SGCZ: variants seen among roughly 807,000 people sequenced by gnomAD.
The protein encoded by SGCZ is sarcoglycan zeta.
SGCZ carries 40 observed loss-of-function variants against 41.3 expected under a neutral mutation model. The ratio of observed to expected loss-of-function variants is 0.97; its 90% confidence interval spans 0.75 to 1.26. The LOEUF is 1.26. Ranked by LOEUF, SGCZ falls within the 50% of genes most tolerant of loss-of-function variation. SGCZ has a pLI of 0.00. For missense variants in SGCZ, 552 were observed against 369.8 expected, an observed-to-expected ratio of 1.49 and a Z score of -4.04; for synonymous variants, 206 against 137.5, an observed-to-expected ratio of 1.50 and a Z score of -3.49.
chr8:14,198,038 T>C (rs538447199), intron 4 of SGCZ, among the ~76,000 whole-genome samples: 2 of 152,332 alleles, frequency 1.3e-5, no homozygotes, highest in Admixed American at 1.3e-4. Flanking sequence ...TTAATATTTT[T>C]ATAGCACAAT....
chr8:14,283,322 C>T (rs1800514358), intron 3 of SGCZ, among the ~76,000 whole-genome samples: 1 of 152,160 alleles, frequency 6.6e-6, no homozygotes, highest in Non-Finnish European at 1.5e-5. Context: ...TTTTCCAAAA[C>T]TCTCCATCCA....
intron 2 of SGCZ, among the ~76,000 whole-genome samples, chr8:14,525,089 A>T (rs986958777): frequency 2.0e-5 from 3 of 146,870 alleles, no homozygotes; most frequent in African/African-American, 7.9e-5. Context: ...AGACACATAG[A>T]TAGATAGACA....
At chr8:14,669,988 A>G (rs1367220634) in intron 1 of SGCZ, among the ~76,000 whole-genome samples, 1 of 152,238 alleles carries the variant, frequency 6.6e-6, no homozygotes, top group Non-Finnish European at 1.5e-5. Flanking sequence ...AACAGCATAT[A>G]CAAGTACAGC....
intron 1 of SGCZ, among the ~76,000 whole-genome samples, chr8:14,619,044 C>T (rs1051408450): frequency 6.6e-6 from 1 of 152,096 alleles, no homozygotes; most frequent in Non-Finnish European, 1.5e-5. Context: ...TTGGTATACT[C>T]TATATATTAG....
intron 1 of SGCZ, among the ~76,000 whole-genome samples, chr8:14,622,427 A>C (rs1806316326): frequency 6.6e-6 from 1 of 152,216 alleles, no homozygotes; most frequent in African/African-American, 2.4e-5. Context: ...TCCAAGTGTG[A>C]TATTCTTCAA....
intron 1 of SGCZ, among the ~76,000 whole-genome samples, chr8:15,004,719 G>T (rs1802539747): frequency 1.3e-5 from 2 of 152,096 alleles, no homozygotes; most frequent in African/African-American, 4.8e-5. Context: ...AAAGACTGAG[G>T]ATTCCCACCT....
At chr8:14,763,748 T>A (rs1799957559) in intron 1 of SGCZ, among the ~76,000 whole-genome samples, 1 of 152,192 alleles carries the variant, frequency 6.6e-6, no homozygotes, top group African/African-American at 2.4e-5. Context: ...ATGAAAGAGT[T>A]ACTTGTTAAT....
chr8:14,087,295 T>C lies in SGCZ; in HGVS notation c.*3148A>G, dbSNP rs1801548294. Among the ~76,000 whole-genome samples, 1 of 106,680 alleles carries C rather than the reference T, an allele frequency of 9.4e-6. No homozygotes were observed. Among genetic ancestry groups the C allele is most frequent in the African/African-American group, 2.7e-5 (1 of 37,370 alleles). The allele number at this position is 106,680 out of a possible 152,430, so 70.0% of individuals were successfully genotyped here. On this transcript the variant is annotated 3_prime_UTR_variant, in exon 8 of 8. Coordinates refer to ENST00000382080, the MANE Select transcript of SGCZ (RefSeq NM_139167.4). ...AAGTAGGAAATTTGGAAGTTTTTGT[T>C]GTTCTTGCTGTTTTTTTTTGAAGTA...
chr8:14,234,213 T>C (rs1297275311), intron 4 of SGCZ, among the ~76,000 whole-genome samples: 1 of 152,086 alleles, frequency 6.6e-6, no homozygotes, highest in Admixed American at 6.5e-5. Flanking sequence ...AAAATATTTC[T>C]CTTTTGCATT....
At chr8:14,603,141 T>C (rs888683389) in intron 1 of SGCZ, among the ~76,000 whole-genome samples, 6 of 152,186 alleles carry the variant, frequency 3.9e-5, no homozygotes, top group Non-Finnish European at 7.3e-5. Context: ...TATGAGATAC[T>C]GCCACATATA....
intron 2 of SGCZ, among the ~76,000 whole-genome samples, chr8:14,406,356 A>G (rs1330623218): frequency 6.6e-6 from 1 of 151,974 alleles, no homozygotes; most frequent in Non-Finnish European, 1.5e-5. Flanking sequence ...TCTCCATCTC[A>G]CAGATGGCTG....
At chr8:14,453,327 C>T (rs538381981) in intron 2 of SGCZ, among the ~76,000 whole-genome samples, 1 of 152,226 alleles carries the variant, frequency 6.6e-6, no homozygotes, top group East Asian at 1.9e-4. Flanking sequence ...TCAATAATTT[C>T]TTTTCAGGAA....
chr8:14,655,937 G>T (rs568955873), intron 1 of SGCZ, among the ~76,000 whole-genome samples: 1 of 152,014 alleles, frequency 6.6e-6, no homozygotes, highest in African/African-American at 2.4e-5. Flanking sequence ...TTCAAGTATT[G>T]CTCCTTTTTA....
chr8:15,044,646 T>C (rs1408283354), intron 1 of SGCZ, among the ~76,000 whole-genome samples: 1 of 152,028 alleles, frequency 6.6e-6, no homozygotes, highest in Non-Finnish European at 1.5e-5. Context: ...TCACTGAGGA[T>C]AGGTTATACG....
At chr8:14,336,208 C>T (rs1410190832) in intron 2 of SGCZ, among the ~76,000 whole-genome samples, 1 of 152,064 alleles carries the variant, frequency 6.6e-6, no homozygotes, top group African/African-American at 2.4e-5. Flanking sequence ...AGGATAATGG[C>T]CTCTAGTTCC....
At chr8:14,619,546 T>C (rs941747593) in intron 1 of SGCZ, among the ~76,000 whole-genome samples, 2 of 152,110 alleles carry the variant, frequency 1.3e-5, no homozygotes, top group African/African-American at 4.8e-5. Flanking sequence ...AAAACCCCAC[T>C]GTCTCAGCCC....
chr8:14,113,473 C>A (rs1420408551), intron 5 of SGCZ, among the ~76,000 whole-genome samples: 1 of 152,014 alleles, frequency 6.6e-6, no homozygotes, highest in African/African-American at 2.4e-5. Flanking sequence ...TTCTTGCGCA[C>A]CACATGATGG....
intron 1 of SGCZ, among the ~76,000 whole-genome samples, chr8:14,900,886 T>C (rs931168888): frequency 1.3e-5 from 2 of 152,214 alleles, no homozygotes; most frequent in East Asian, 3.9e-4. Context: ...TAAAATGTTT[T>C]GATTAATTTG....
At chr8:14,963,790 T>C (rs183345373) in intron 1 of SGCZ, among the ~76,000 whole-genome samples, 125 of 152,330 alleles carry the variant, frequency 8.2e-4, no homozygotes, top group Middle Eastern at 3.4e-3. Flanking sequence ...CAAATTTCAC[T>C]ACTTACAAGA....
Sources: allele counts gnomAD v4.1 joint callset (sites outside exome capture counted in the v4.1 genomes callset), GRCh38; gene constraint gnomAD v4.1.1; transcripts MANE v1.5; gene names NCBI Gene and HGNC (gene_info 2026-07-23, HGNC 2026-07-21).